Variants in ADGRL2 observed in about 807,000 individuals in gnomAD.
The protein encoded by ADGRL2 is calcium-independent alpha-latrotoxin receptor 2.
Under a neutral mutation model 157.4 loss-of-function variants are expected in ADGRL2, and 44 were observed. That is an observed-to-expected ratio of 0.28 (90% CI 0.22 to 0.36). The LOEUF (loss-of-function observed/expected upper bound fraction) is 0.36. Ranked by LOEUF, ADGRL2 falls within the 10% of genes least tolerant of loss-of-function variation. The pLI, the probability that ADGRL2 is intolerant of heterozygous loss-of-function variation, is 1.00. For missense variants in ADGRL2, 1,510 were observed against 1,768.9 expected (o/e 0.85, Z 2.63); for synonymous variants, 585 against 624.7 (o/e 0.94, Z 0.95).
intron 1 of ADGRL2, among the ~76,000 whole-genome samples, chr1:81,378,164 A>G (rs549172363): frequency 2.8e-5 from 4 of 140,736 alleles, no homozygotes; most frequent in Non-Finnish European, 6.1e-5. Flanking sequence ...GGCAATAGAG[A>G]GAGACTCTGT....
intron 1 of ADGRL2, among the ~76,000 whole-genome samples, chr1:81,317,566 C>T (rs1238320445): frequency 1.3e-5 from 2 of 152,170 alleles, no homozygotes; most frequent in South Asian, 2.1e-4. Flanking sequence ...AACATAGTAA[C>T]TCCTCTGTTA....
At chr1:81,518,063 T>C (rs1421500203) in intron 2 of ADGRL2, among the ~76,000 whole-genome samples, 1 of 152,222 alleles carries the variant, frequency 6.6e-6, no homozygotes. Context: ...AAGAGAAAAT[T>C]AATTGAGACT....
At chr1:81,904,893 G>A (rs1178692868) in intron 2 of ADGRL2, among the ~76,000 whole-genome samples, 1 of 152,002 alleles carries the variant, frequency 6.6e-6, no homozygotes, top group African/African-American at 2.4e-5. Context: ...GGGAAAGAAA[G>A]AGTTATAAAG....
intron 1 of ADGRL2, among the ~76,000 whole-genome samples, chr1:81,366,364 C>G (rs2076067066): frequency 6.6e-6 from 1 of 151,790 alleles, no homozygotes; most frequent in Non-Finnish European, 1.5e-5. Context: ...TTGAAAGAAG[C>G]AGGCTCAGTG....
chr1:81,710,004 A>C (rs1488592573), intron 1 of ADGRL2, among the ~76,000 whole-genome samples: 3 of 152,196 alleles, frequency 2.0e-5, no homozygotes, highest in Non-Finnish European at 4.4e-5. Flanking sequence ...TGAACAACTA[A>C]TCACCTGTGG....
intron 11 of ADGRL2, among the ~76,000 whole-genome samples, chr1:81,964,781 C>G (rs1352621369): frequency 6.6e-6 from 1 of 151,884 alleles, no homozygotes; most frequent in East Asian, 1.9e-4. Flanking sequence ...AAAGTGTGGA[C>G]TGTATTTTTT....
intron 2 of ADGRL2, among the ~76,000 whole-genome samples, chr1:81,529,669 C>T (rs114771719): frequency 0.02 from 3,020 of 152,252 alleles, 97 homozygotes; most frequent in African/African-American, 0.069. Context: ...TCTATAGATG[C>T]GGACCCCATG....
At chr1:81,363,690 A>G (rs994120134) in intron 1 of ADGRL2, among the ~76,000 whole-genome samples, 2 of 152,164 alleles carry the variant, frequency 1.3e-5, no homozygotes, top group Non-Finnish European at 2.9e-5. Context: ...TAACAAAACC[A>G]TCATAAAAGA....
At chr1:81,311,925 G>A (rs1423568351) in intron 1 of ADGRL2, among the ~76,000 whole-genome samples, 1 of 152,188 alleles carries the variant, frequency 6.6e-6, no homozygotes, top group African/African-American at 2.4e-5. Context: ...GAATGGGGAA[G>A]AGATGAGGAG....
intron 3 of ADGRL2, among the ~76,000 whole-genome samples, chr1:81,610,081 T>C (rs1220760479): frequency 1.3e-5 from 2 of 152,168 alleles, no homozygotes; most frequent in Non-Finnish European, 2.9e-5. Flanking sequence ...GGGGAGTGAA[T>C]TCCTGATTAG....
chr1:81,413,224 T>C (rs2101453367), intron 1 of ADGRL2, among the ~76,000 whole-genome samples: 1 of 152,226 alleles, frequency 6.6e-6, no homozygotes. Context: ...GATTTAGCAA[T>C]GAAAGCAGCA....
At chr1:81,873,464 T>TA (rs1414588643) in intron 2 of ADGRL2, among the ~76,000 whole-genome samples, 2 of 152,086 alleles carry the variant, frequency 1.3e-5, no homozygotes, top group African/African-American at 4.8e-5. Flanking sequence ...GATTGAAATG[T>TA]AAAAAAACCA....
chr1:81,864,945 C>G (rs1204684585), intron 2 of ADGRL2, among the ~76,000 whole-genome samples: 3 of 152,072 alleles, frequency 2.0e-5, no homozygotes, highest in Non-Finnish European at 4.4e-5. Context: ...AAGATCGCAC[C>G]ACTACACTCT....
Position 81,993,488 on chromosome 1 carries a change from A to G in ADGRL2, c.*2343A>G, listed in dbSNP as rs1419876882. On this transcript the variant is annotated 3_prime_UTR_variant, in exon 24 of 24. Transcript: ENST00000686636. Reference sequence around the variant, plus strand: ...TTTCTTTCTCTTGAGGCAGTTCTCAAAACTCTAAAGACATGAACACTGCAT... The same window carrying G: ...TTTCTTTCTCTTGAGGCAGTTCTCAGAACTCTAAAGACATGAACACTGCAT... Among the ~76,000 whole-genome samples, 1 of 152,104 alleles carries G rather than the reference A, an allele frequency of 6.6e-6. No homozygotes were observed. The highest frequency in any genetic ancestry group is 2.4e-5 in the African/African-American group (1 of 41,430).
chr1:81,633,122 T>C (rs925884982), intron 3 of ADGRL2, among the ~76,000 whole-genome samples: 2 of 152,206 alleles, frequency 1.3e-5, no homozygotes, highest in African/African-American at 2.4e-5. Flanking sequence ...TTAGTCCCAA[T>C]ATACAGAGAG....
chr1:81,919,196 T>G (rs1049534619), intron 3 of ADGRL2, among the ~76,000 whole-genome samples: 4 of 152,144 alleles, frequency 2.6e-5, no homozygotes, highest in Non-Finnish European at 5.9e-5. Flanking sequence ...CAAATTCATT[T>G]TTTAAAGGAC....
chr1:81,716,667 C>T (rs1031471219), intron 1 of ADGRL2, among the ~76,000 whole-genome samples: 3 of 152,078 alleles, frequency 2.0e-5, no homozygotes, highest in Non-Finnish European at 1.5e-5. Flanking sequence ...CCACCATCAA[C>T]AACAAAATCA....
chr1:81,854,029 A>G (rs1303613735), intron 2 of ADGRL2, among the ~76,000 whole-genome samples: 2 of 152,146 alleles, frequency 1.3e-5, no homozygotes, highest in East Asian at 3.8e-4. Flanking sequence ...AAAAGAGTTT[A>G]TGGCCTGCCT....
intron 1 of ADGRL2, among the ~76,000 whole-genome samples, chr1:81,806,983 C>T (rs2089242748): frequency 6.6e-6 from 1 of 151,858 alleles, no homozygotes; most frequent in Non-Finnish European, 1.5e-5. Context: ...TGCTTTTCTG[C>T]AGAAAAGATT....
Sources: allele counts gnomAD v4.1 joint callset (sites outside exome capture counted in the v4.1 genomes callset), GRCh38; gene constraint gnomAD v4.1.1; transcripts MANE v1.5; gene names NCBI Gene and HGNC (gene_info 2026-07-23, HGNC 2026-07-21).